NLRP1: variants seen among roughly 807,000 people sequenced by gnomAD.
The protein encoded by NLRP1 is NLR family pyrin domain containing 1.
Under a neutral mutation model 136.7 loss-of-function variants are expected in NLRP1, and 94 were observed. That is an observed-to-expected ratio of 0.69 (90% CI 0.58 to 0.82). The LOEUF (loss-of-function observed/expected upper bound fraction) is 0.82, where lower values mean the gene tolerates loss of function less well. Ranked by LOEUF, NLRP1 falls within the 40% of genes least tolerant of loss-of-function variation. NLRP1 has a pLI of 0.00. For missense variants in NLRP1, 1,575 were observed against 1,802.7 expected, an observed-to-expected ratio of 0.87 and a Z score of 2.29; for synonymous variants, 690 against 725.1, an observed-to-expected ratio of 0.95 and a Z score of 0.78.
In NLRP1 at chr17:5,559,457, A is replaced by G. The variant is rs1056698849; in HGVS notation, c.1239T>C (p.Asp413=). The G allele has an allele frequency of 4.3e-6, 7 of 1,614,006 alleles. No homozygotes were observed. In the Admixed American group the frequency reaches 5.0e-5, roughly 12 times the overall value. Residue 413 remains aspartate, a synonymous_variant, in exon 4 of 17, where the codon GAT becomes GAC. Coordinates refer to ENST00000572272, the MANE Select transcript of NLRP1 (RefSeq NM_033004.4). ...GCTCCTGCAAGACCCATCCTGGCTC[A>G]TCTACACCATCGAGGATGAAGAGCA... ...ERLLFILDGV[D]EPGWVLQEPS...
intron 10 of NLRP1, 143 bp downstream of exon 10, chr17:5,533,161 C>T (rs1910540252): frequency 6.8e-7 from 1 of 1,469,258 alleles, no homozygotes; most frequent in Non-Finnish European, 9.1e-7. Flanking sequence ...GGGAGCCCCA[C>T]TCCAGTGCCT....
downstream of NLRP1, among the ~76,000 whole-genome samples, chr17:5,513,509 C>G (rs539033951): frequency 9.2e-5 from 14 of 152,316 alleles, no homozygotes; most frequent in African/African-American, 3.4e-4. Context: ...TTTATGTCTT[C>G]CAGGCTACAA....
intron 12 of NLRP1, among the ~76,000 whole-genome samples, chr17:5,527,523 A>G (rs1567637234): frequency 6.6e-6 from 1 of 152,226 alleles, no homozygotes. Flanking sequence ...GACTTGGGAT[A>G]GAATCCCAAC....
In NLRP1 at chr17:5,514,257, G is replaced by C. The variant is rs1365514933; in HGVS notation, c.*497C>G. 2 of 260,890 alleles carry C rather than the reference G, an allele frequency of 7.7e-6. No homozygotes were observed. The highest frequency in any genetic ancestry group is 4.6e-5 in the African/African-American group (2 of 43,258). The allele number at this position is 260,890 out of a possible 1,614,324, so 16.2% of individuals were successfully genotyped here. A position where few individuals can be genotyped will look rare whatever the true frequency, so the allele number is the denominator to read the frequency against. ...AAAGCCTGCTAGACAAATTCTAAAA[G>C]AGCTGTGATACTCCTTTATTTTCTG... On this transcript the variant is annotated 3_prime_UTR_variant, in exon 17 of 17. Transcript: ENST00000572272.
intron 11 of NLRP1, among the ~76,000 whole-genome samples, chr17:5,532,016 G>A (rs762093054): frequency 4.6e-5 from 7 of 152,218 alleles, no homozygotes; most frequent in Non-Finnish European, 8.8e-5. Flanking sequence ...GCTGAGGAAG[G>A]TGGATCGTCT....
rs1374344265 is a variant in NLRP1 at position 5,521,750 on chromosome 17, TG to T, written c.3556del (p.His1186ThrfsTer20). ...HVDTSLFQMA[H>X]FKEEGMLLEK... The stretch of plus-strand genomic sequence containing the variant: ...CAGGAGCATCCCCTCCTCTTTAAAG[TG>T]GGCCATTTGGAACAGGGATGTGTCC... On this transcript the variant is annotated frameshift_variant, in exon 13 of 17. Transcript: ENST00000572272. LOFTEE classifies it high-confidence loss of function. The T allele has an allele frequency of 6.2e-7, 1 of 1,612,324 alleles. No homozygotes were observed. The highest frequency in any genetic ancestry group is 8.5e-7 in the Non-Finnish European group (1 of 1,179,678).
chr17:5,521,816 G>A, intron 12 of NLRP1, 30 bp from the exon 13 acceptor site: 1 of 1,541,696 alleles, frequency 6.5e-7, no homozygotes, highest in South Asian at 1.2e-5. Context: ...AGAGGCACAG[G>A]TTTATTTTTA....
chr17:5,552,557 G>A (rs11078572), intron 5 of NLRP1, among the ~76,000 whole-genome samples: 10,024 of 152,088 alleles, frequency 0.066, 424 homozygotes, highest in African/African-American at 0.11. Context: ...TCCCCATCTT[G>A]ATGAAGATGC....
At chr17:5,513,973 C>T (rs1006248557), downstream of NLRP1, 6 of 152,180 alleles carry the variant, frequency 3.9e-5, no homozygotes, top group Non-Finnish European at 8.8e-5. Context: ...CCTAAGTAGT[C>T]TGAAAGGGGG....
rs201206257 is a variant in NLRP1, at chr17:5,559,160, C to G, written c.1536G>C (p.Glu512Asp). The G allele has an allele frequency of 2.7e-5, 43 of 1,614,072 alleles. No individual in the cohort carries two copies. The highest frequency in any genetic ancestry group is 3.6e-5 in the Non-Finnish European group (43 of 1,180,032). The change falls in exon 4 of 17, where the codon GAG becomes GAC. Residue 512 changes from glutamate (E) to aspartate (D), a missense_variant. Coordinates refer to ENST00000572272, the MANE Select transcript of NLRP1 (RefSeq NM_033004.4). ...RAFRLVKSNK[E>D]LWALCLVPWV... Reference sequence around the variant, plus strand: ...AGGGCACAAGACACAGGGCCCAGAGCTCTTTGTTTGATTTGACCAACCTAA... The same window carrying G: ...AGGGCACAAGACACAGGGCCCAGAGGTCTTTGTTTGATTTGACCAACCTAA...
chr17:5,556,111 TCTCTACAC>T (rs1567657875), intron 4 of NLRP1, among the ~76,000 whole-genome samples: 278 of 131,364 alleles, frequency 2.1e-3, no homozygotes, highest in African/African-American at 5.3e-3. Context: ...TCTGTCTCTC[TCTCTACAC>T]ACACACACAC....
downstream of NLRP1, among the ~76,000 whole-genome samples, chr17:5,513,798 T>C (rs1301339946): frequency 6.6e-6 from 1 of 152,152 alleles, no homozygotes; most frequent in Non-Finnish European, 1.5e-5. Flanking sequence ...TAAAACAGGA[T>C]GTGGTAAAGA....
intron 4 of NLRP1, among the ~76,000 whole-genome samples, chr17:5,554,575 C>A (rs879790953): frequency 2.0e-5 from 3 of 152,200 alleles, no homozygotes; most frequent in Non-Finnish European, 4.4e-5. Context: ...GCTTCTCTAT[C>A]CCTCACTCCG....
In NLRP1 at chr17:5,525,109, T is replaced by C. The variant is rs188835199; in HGVS notation, c.3521-3323A>G. On this transcript the variant is annotated intron_variant, in intron 12 of 16. Transcript: ENST00000572272. Reference sequence around the variant, plus strand: ...GTCTCACTGGCAGAAAGACCTACGCTGCCTTTGGCTGGTTGCACCAGAAAA... The same window carrying C: ...GTCTCACTGGCAGAAAGACCTACGCCGCCTTTGGCTGGTTGCACCAGAAAA... Among the ~76,000 whole-genome samples the C allele has an allele frequency of 8.5e-5, 13 of 152,316 alleles. No homozygotes were observed. In the East Asian group the frequency reaches 2.5e-3, roughly 29 times the overall value.
rs775113374 is a variant in NLRP1 at position 5,553,560 on chromosome 17, A to AG, written c.2358-5dup. The AG allele has an allele frequency of 7.4e-6, 12 of 1,612,840 alleles. No individual in the cohort carries two copies. Among genetic ancestry groups the AG allele is most frequent in the South Asian group, 5.5e-5 (5 of 90,896 alleles). ...TGTGACTGGGACCCACCTGAACCTG[A>AG]GGGGGAGAGAGAAGGACAGGAGAGA... On this transcript the variant is annotated splice_region_variant and splice_polypyrimidine_tract_variant and intron_variant, in intron 4 of 16. Transcript: ENST00000572272.
At chr17:5,501,483 C>G in exon 16 of NLRP1, 1 of 210,020 alleles carries the variant, frequency 4.8e-6, no homozygotes. Context: ...ACAGTGTAGG[C>G]AAAATCAGTA....
At chr17:5,576,296 A>G (rs959912647) in intron 3 of NLRP1, among the ~76,000 whole-genome samples, 3 of 152,210 alleles carry the variant, frequency 2.0e-5, no homozygotes, top group African/African-American at 4.8e-5. Context: ...TGAAGGAGAC[A>G]GAGACACAAA....
At chr17:5,569,490 C>T (rs1915653350) in intron 3 of NLRP1, among the ~76,000 whole-genome samples, 1 of 152,098 alleles carries the variant, frequency 6.6e-6, no homozygotes, top group Non-Finnish European at 1.5e-5. Flanking sequence ...TCACACAAAA[C>T]AGACTTCAAA....
In NLRP1 at chr17:5,558,519, C is replaced by T. The variant is rs201736619; in HGVS notation, c.2177G>A (p.Arg726Gln). The change falls in exon 4 of 17, where the codon CGG (arginine) becomes CAG (glutamine). Residue 726 changes from arginine (R) to glutamine (Q), a missense_variant. Arg to Gln is a conservative substitution (Grantham distance 43, BLOSUM62 1). Transcript: ENST00000572272. The part of the protein sequence containing the change: ...LESLHCLYET[R>Q]NKTFLTQVMA... ...CACTTGTGTCAGGAACGTTTTGTTC[C>T]GAGTCTCGTACAAGCAGTGGAGGGA... is the stretch of plus-strand genomic sequence containing the variant. 6.0e-5 allele frequency: 97 copies of T among 1,613,800 alleles called. No individual in the cohort carries two copies. The highest frequency in any genetic ancestry group is 7.0e-5 in the Non-Finnish European group (83 of 1,179,976).
Sources: allele counts gnomAD v4.1 joint callset (sites outside exome capture counted in the v4.1 genomes callset), GRCh38; gene constraint gnomAD v4.1.1; transcripts MANE v1.5; gene names NCBI Gene and HGNC (gene_info 2026-07-23, HGNC 2026-07-21).